Variants in MMP27 observed in about 807,000 individuals in gnomAD.
The protein encoded by MMP27 is matrix metalloproteinase-27.
A neutral mutation model predicts 48.1 loss-of-function variants in MMP27; 51 were observed. The ratio of observed to expected loss-of-function variants is 1.06; its 90% CI spans 0.85 to 1.34. The LOEUF (loss-of-function observed/expected upper bound fraction) is 1.34, where lower values mean the gene tolerates loss of function less well. Among genes scored for constraint, MMP27 ranks in the 40% most tolerant of loss-of-function variants. The pLI, the probability that MMP27 is intolerant of heterozygous loss-of-function variation, is 0.00. For missense variants in MMP27, 698 were observed against 619.3 expected, an observed-to-expected ratio of 1.13 and a Z score of -1.35; for synonymous variants, 229 against 208.9, an observed-to-expected ratio of 1.10 and a Z score of -0.83.
At chr11:102,694,884 A>T (rs1046324831) in intron 7 of MMP27, 83 bp downstream of exon 7, 12 of 1,536,652 alleles carry the variant, frequency 7.8e-6, no homozygotes, top group Non-Finnish European at 1.1e-5. Flanking sequence ...TCATGCATGA[A>T]GATTTTATTT....
Position 102,691,494 on chromosome 11 carries a change from C to G in MMP27, c.*272G>C. ...CCAAAGGTCCAGACAAAATAGAATG[C>G]TAAAGATTGGTTTAATAAATGTTTC... is the stretch of plus-strand genomic sequence containing the variant. On this transcript the variant is annotated 3_prime_UTR_variant, in exon 10 of 10. Transcript: ENST00000260229. 3.6e-6 allele frequency: 1 copy of G among 279,700 alleles called. No homozygotes were observed. The highest frequency in any genetic ancestry group is 6.7e-6 in the Non-Finnish European group (1 of 149,234). The allele number at this position is 279,700 out of a possible 1,614,324, so 17.3% of individuals were successfully genotyped here. A position where few individuals can be genotyped will look rare whatever the true frequency, so the allele number is the denominator to read the frequency against.
intron 9 of MMP27, 106 bp from the exon 10 acceptor site, chr11:102,692,116 A>C (rs1428597256): frequency 9.3e-7 from 1 of 1,072,006 alleles, no homozygotes; most frequent in Non-Finnish European, 1.3e-6. Context: ...AGAACGAAGA[A>C]ATTTGTGGAA....
At chr11:102,699,600 A>T (rs17099411) in intron 4 of MMP27, among the ~76,000 whole-genome samples, 10,552 of 152,254 alleles carry the variant, frequency 0.069, 591 homozygotes, top group East Asian at 0.26. Context: ...CATGAAGCAA[A>T]CGTAAAAGGG....
chr11:102,696,795 A>G lies in MMP27; in HGVS notation c.660T>C (p.His220=), dbSNP rs780275495. The G allele has an allele frequency of 3.7e-6, 6 of 1,612,326 alleles. No individual in the cohort carries two copies. The highest frequency in any genetic ancestry group is 3.4e-6 in the Non-Finnish European group (4 of 1,179,654). Residue 220 remains histidine (H), a synonymous_variant, in exon 5 of 10, where the codon CAT becomes CAC. Transcript: ENST00000260229. ...LFLVAAHEFG[H]ALGLSHSNDQ... ...CATTGGAGTGAGAGAGCCCCAGTGC[A>G]TGACCAAATTCATGAGCAGCCACAA...
chr11:102,692,814 T>A (rs2134259990), intron 9 of MMP27, 124 bp downstream of exon 9: 1 of 681,614 alleles, frequency 1.5e-6, no homozygotes, highest in South Asian at 1.8e-5. Context: ...TAATGTTTAT[T>A]ATTGTATATA....
At chr11:102,695,183 A>G in intron 6 of MMP27, 86 bp from the exon 7 acceptor site, 1 of 1,422,996 alleles carries the variant, frequency 7.0e-7, no homozygotes, top group Non-Finnish European at 9.7e-7. Flanking sequence ...CTTTTAGCTA[A>G]TTGGTTGGTA....
intron 1 of MMP27, 91 bp from the exon 2 acceptor site, chr11:102,704,866 C>A: frequency 1.3e-6 from 1 of 750,522 alleles, no homozygotes. Flanking sequence ...GCCTAAAATT[C>A]CTTCTGGCAA....
chr11:102,693,889 A>G lies in MMP27; in HGVS notation c.1193+17T>C, dbSNP rs376688591. The G allele has an allele frequency of 4.5e-6, 7 of 1,562,016 alleles. No homozygotes were observed. Among genetic ancestry groups the G allele is most frequent in the Admixed American group, 1.9e-5 (1 of 51,782 alleles). On this transcript the variant is annotated intron_variant, in intron 8 of 9. Coordinates refer to ENST00000260229, the MANE Select transcript of MMP27 (RefSeq NM_022122.3). ...TTCTCCATAATAAAACAAAGTGTCA[A>G]TTGTCTGTAAACTTACCTCCAGCAC...
Position 102,705,651 on chromosome 11 carries a change from G to A in MMP27, c.64C>T (p.Arg22Trp), listed in dbSNP as rs12099177. 130,779 of 1,598,384 alleles carry A rather than the reference G, an allele frequency of 0.082. 7,084 individuals are homozygous for A. The highest frequency in any genetic ancestry group is 0.24 in the East Asian group (10,402 of 43,982). The part of the protein sequence containing the change: ...ITFSSAFPLV[R>W]MTENEENMQL... ...ATATTTTCTTCATTTTCCGTCATCC[G>A]GACTAAGGGAAATGCAGAAGAAAAT... Residue 22 changes from arginine to tryptophan, a missense_variant, in exon 1 of 10, where the codon CGG becomes TGG. Transcript: ENST00000260229.
At chr11:102,694,842 C>T in intron 7 of MMP27, 125 bp downstream of exon 7, 3 of 1,050,812 alleles carry the variant, frequency 2.9e-6, no homozygotes, top group Non-Finnish European at 4.1e-6. Flanking sequence ...CGACAGGAAC[C>T]TAAGATGAGA....
In MMP27 at chr11:102,704,040, A is replaced by T. The variant is rs144397000; in HGVS notation, c.341+497T>A. 5.3e-5 allele frequency among the ~76,000 whole-genome samples: 8 copies of T among 152,316 alleles called. No homozygotes were observed. The East Asian group carries it at 1.4e-3, about 26-fold the overall frequency. On this transcript the variant is annotated intron_variant, in intron 2 of 9. Coordinates refer to ENST00000260229, the MANE Select transcript of MMP27 (RefSeq NM_022122.3). ...CTCATCCTCTTCCTGCCAATGAGTC[A>T]GCCTGCCCCCTTTTCCTTGAGATGT...
At chr11:102,694,233 T>C (rs1860780332) in intron 7 of MMP27, among the ~76,000 whole-genome samples, 168 bp from the exon 8 acceptor site, 1 of 152,250 alleles carries the variant, frequency 6.6e-6, no homozygotes, top group South Asian at 2.1e-4. Context: ...ATATTATTTA[T>C]ATTACACAAA....
In MMP27 at chr11:102,693,889, A is replaced by C; in HGVS notation, c.1193+17T>G. The C allele has an allele frequency of 6.4e-7, 1 of 1,562,134 alleles. No homozygotes were observed. Among genetic ancestry groups the C allele is most frequent in the African/African-American group, 1.4e-5 (1 of 72,470 alleles). ...TTCTCCATAATAAAACAAAGTGTCAATTGTCTGTAAACTTACCTCCAGCAC... is the reference window on the plus strand; with the variant it reads ...TTCTCCATAATAAAACAAAGTGTCACTTGTCTGTAAACTTACCTCCAGCAC... On this transcript the variant is annotated intron_variant, in intron 8 of 9. Coordinates refer to ENST00000260229, the MANE Select transcript of MMP27 (RefSeq NM_022122.3).
At chr11:102,695,207 A>C in intron 6 of MMP27, 110 bp from the exon 7 acceptor site, 1 of 1,186,462 alleles carries the variant, frequency 8.4e-7, no homozygotes, top group African/African-American at 1.5e-5. Flanking sequence ...TCCTCAAATA[A>C]TTGAGATAAT....
At chr11:102,703,461 G>C (rs954493459) in intron 2 of MMP27, among the ~76,000 whole-genome samples, 1 of 152,032 alleles carries the variant, frequency 6.6e-6, no homozygotes, top group Non-Finnish European at 1.5e-5. Flanking sequence ...TTCTTAAAAA[G>C]AACTGAGAAT....
Position 102,702,751 on chromosome 11 carries a change from A to G in MMP27, c.619+2T>C. ...TTTGTTCATAAAGAAAATTAGACTC[A>G]CCTGCTCCATCCTTGGTCCAGTTTT... On this transcript the variant is annotated splice_donor_variant, in intron 4 of 9. Coordinates refer to ENST00000260229, the MANE Select transcript of MMP27 (RefSeq NM_022122.3). LOFTEE classifies it high-confidence loss of function. The G allele has an allele frequency of 6.2e-7, 1 of 1,605,270 alleles. No individual in the cohort carries two copies. Among genetic ancestry groups the G allele is most frequent in the Non-Finnish European group, 8.5e-7 (1 of 1,177,944 alleles).
intron 7 of MMP27, 101 bp downstream of exon 7, chr11:102,694,866 G>T: frequency 7.4e-7 from 1 of 1,348,760 alleles, no homozygotes; most frequent in Non-Finnish European, 1.0e-6. Flanking sequence ...AAAGCCCTGC[G>T]CCTTGGCTCA....
chr11:102,699,172 G>A (rs970344990), intron 4 of MMP27, among the ~76,000 whole-genome samples: 1 of 152,012 alleles, frequency 6.6e-6, no homozygotes, highest in Admixed American at 6.6e-5. Flanking sequence ...AAGTATAGAA[G>A]ACCACCCTCT....
At chr11:102,698,842 TC>T (rs1860883198) in intron 4 of MMP27, among the ~76,000 whole-genome samples, 2 of 152,146 alleles carry the variant, frequency 1.3e-5, no homozygotes, top group Admixed American at 1.3e-4. Flanking sequence ...ACTTCCCTTA[TC>T]CCTCCAGGTC....
Sources: gnomAD v4.1 joint callset for allele counts (sites outside exome capture counted in the v4.1 genomes callset) on GRCh38, gnomAD v4.1.1 for gene constraint, MANE v1.5 for transcripts, NCBI Gene and HGNC (gene_info 2026-07-23, HGNC 2026-07-21) for gene names.